EGFL8: variants seen among roughly 807,000 people sequenced by gnomAD.
EGFL8 encodes epidermal growth factor-like protein 8.
A neutral mutation model predicts 39.4 loss-of-function variants in EGFL8; 32 were observed. That is an observed-to-expected ratio of 0.81 (90% CI 0.61 to 1.09). The LOEUF (loss-of-function observed/expected upper bound fraction) is 1.09. Ranked by LOEUF, EGFL8 falls within the 50% of genes least tolerant of loss-of-function variation. The probability of loss-of-function intolerance (pLI) is 0.00; values close to 1 mark genes in which losing one functional copy is unlikely to be tolerated. For missense variants in EGFL8, 385 were observed against 402.2 expected, an observed-to-expected ratio of 0.96 and a Z score of 0.37; for synonymous variants, 177 against 168.5, an observed-to-expected ratio of 1.05 and a Z score of -0.39.
chr6:32,167,374 G>T lies in EGFL8; in HGVS notation c.626G>T (p.Arg209Leu). Residue 209 changes from arginine (R) to leucine (L), a missense_variant, in exon 7 of 9, where the codon CGC (arginine) becomes CTC (leucine). Coordinates refer to ENST00000333845, the MANE Select transcript of EGFL8 (RefSeq NM_030652.4). This position sits in a 1 kb window ranked among gnomAD's most constrained non-coding sequence, Gnocchi z 6.4. ...VAVREAEKDERALKQEIHELR... is the reference protein window; with the variant it reads ...VAVREAEKDELALKQEIHELR... ...GTTCGGGAGGCGGAAAAAGATGAGCGCGCTCTGAAGCAGGAGATTCACGAG... is the reference window on the plus strand; with the variant it reads ...GTTCGGGAGGCGGAAAAAGATGAGCTCGCTCTGAAGCAGGAGATTCACGAG... 1 of 1,613,032 alleles carries T rather than the reference G, an allele frequency of 6.2e-7. No individual in the cohort carries two copies.
In EGFL8 at chr6:32,168,247, T is replaced by C; in HGVS notation, c.*291T>C. 2.3e-6 allele frequency: 1 copy of C among 436,272 alleles called. No homozygotes were observed. Among genetic ancestry groups the C allele is most frequent in the Non-Finnish European group, 4.1e-6 (1 of 243,962 alleles). 27.0% of individuals were successfully genotyped at this position (436,272 alleles called of 1,614,324 possible). A position where few individuals can be genotyped will look rare whatever the true frequency, so the allele number is the denominator to read the frequency against. ...TCTTTATTTTCAGTTTTTTTGCTGT[T>C]ATCCAGATAATTAATAAAAACCAAC... is the stretch of plus-strand genomic sequence containing the variant. On this transcript the variant is annotated 3_prime_UTR_variant, in exon 9 of 9. Transcript: ENST00000333845. This position sits in a 1 kb window ranked among gnomAD's most constrained non-coding sequence, Gnocchi z 4.5.
Position 32,166,972 on chromosome 6 carries a change from G to A in EGFL8, c.397G>A (p.Ala133Thr). ...CGTTAGGCCTGACCAGTGCGAGTGC[G>A]CCCCCGGCTGGGGAGGGAAGCACTG... is the stretch of plus-strand genomic sequence containing the variant. ...VCVRPDQCEC[A>T]PGWGGKHCHV... The change falls in exon 5 of 9, where the codon GCC becomes ACC. Residue 133 changes from alanine to threonine, a missense_variant. Ala to Thr is a moderately conservative substitution (Grantham distance 58). Coordinates refer to ENST00000333845, the MANE Select transcript of EGFL8 (RefSeq NM_030652.4). The surrounding 1 kb of genome is among the most constrained non-coding windows in gnomAD (Gnocchi z 7.3). 2 of 1,613,130 alleles carry A rather than the reference G, an allele frequency of 1.2e-6. No individual in the cohort carries two copies. The highest frequency in any genetic ancestry group is 2.2e-5 in the East Asian group (1 of 44,882).
intron 1 of EGFL8, 145 bp from the exon 2 acceptor site, chr6:32,165,993 G>T (rs1784451127): frequency 1.5e-6 from 1 of 670,062 alleles, no homozygotes. Flanking sequence ...GTACACACAG[G>T]TGTAGGCAAT....
Position 32,167,567 on chromosome 6 carries a change from C to T in EGFL8, c.746C>T (p.Pro249Leu). The T allele has an allele frequency of 2.5e-6, 4 of 1,610,478 alleles. No individual in the cohort carries two copies. The highest frequency in any genetic ancestry group is 3.4e-6 in the Non-Finnish European group (4 of 1,179,908). The change falls in exon 8 of 9, where the codon CCA (proline) becomes CTA (leucine). Residue 249 changes from proline to leucine, a missense_variant. Pro to Leu is a moderately conservative substitution (Grantham distance 98, BLOSUM62 -3). Transcript: ENST00000333845. This position sits in a 1 kb window ranked among gnomAD's most constrained non-coding sequence, Gnocchi z 6.4. ...VLPVPPEELQ[P>L]EQVAELWGRG... The stretch of plus-strand genomic sequence containing the variant: ...CCCGTGCCGCCTGAAGAGCTGCAGC[C>T]AGAACAGGTGGCTGAGCTGTGGGGC...
Position 32,167,828 on chromosome 6 carries a change from T to G in EGFL8, c.836-82T>G, listed in dbSNP as rs1414134271. 2 of 1,556,534 alleles carry G rather than the reference T, an allele frequency of 1.3e-6. No individual in the cohort carries two copies. The highest frequency in any genetic ancestry group is 2.7e-5 in the African/African-American group (2 of 73,468). On this transcript the variant is annotated intron_variant, in intron 8 of 8. Coordinates refer to ENST00000333845, the MANE Select transcript of EGFL8 (RefSeq NM_030652.4). This position sits in a 1 kb window ranked among gnomAD's most constrained non-coding sequence, Gnocchi z 6.4. ...GAAATCCTGTCCCCAGCCCAACAGT[T>G]TCACTTATTGTTTGGTGAGAGTGGC...
At position 32,167,717 on chromosome 6, in the gene EGFL8, T is replaced by C. The variant is rs550751335; in HGVS notation, c.835+61T>C. On this transcript the variant is annotated intron_variant, in intron 8 of 8. Transcript: ENST00000333845. The surrounding 1 kb of genome is among the most constrained non-coding windows in gnomAD (Gnocchi z 6.4). ...TCCCCAACTTTCCCCAAGACCCCTC[T>C]CCATTCAGGCATTCCCTCTTTCCTC... 1.9e-6 allele frequency: 3 copies of C among 1,563,046 alleles called. No individual in the cohort carries two copies. The highest frequency in any genetic ancestry group is 2.6e-6 in the Non-Finnish European group (3 of 1,152,164).
chr6:32,167,816 C>A lies in EGFL8; in HGVS notation c.836-94C>A. 6.5e-7 allele frequency: 1 copy of A among 1,544,392 alleles called. No individual in the cohort carries two copies. The highest frequency in any genetic ancestry group is 8.9e-7 in the Non-Finnish European group (1 of 1,123,474). ...TCGTTCTCTTCTGAAATCCTGTCCC[C>A]AGCCCAACAGTTTCACTTATTGTTT... On this transcript the variant is annotated intron_variant, in intron 8 of 8. Coordinates refer to ENST00000333845, the MANE Select transcript of EGFL8 (RefSeq NM_030652.4). This position sits in a 1 kb window ranked among gnomAD's most constrained non-coding sequence, Gnocchi z 6.4.
In EGFL8 at chr6:32,167,375, C is replaced by G; in HGVS notation, c.627C>G (p.Arg209=). ...TTCGGGAGGCGGAAAAAGATGAGCG[C>G]GCTCTGAAGCAGGAGATTCACGAGC... is the stretch of plus-strand genomic sequence containing the variant. ...VAVREAEKDE[R]ALKQEIHELR... Residue 209 remains arginine, a synonymous_variant, in exon 7 of 9, where the codon CGC becomes CGG. Transcript: ENST00000333845. This position sits in a 1 kb window ranked among gnomAD's most constrained non-coding sequence, Gnocchi z 6.4. 1 of 1,613,032 alleles carries G rather than the reference C, an allele frequency of 6.2e-7. No homozygotes were observed. The highest frequency in any genetic ancestry group is 1.3e-5 in the African/African-American group (1 of 75,066).
chr6:32,167,656 T>C lies in EGFL8; in HGVS notation c.835T>C (p.Cys279Arg). 6.2e-7 allele frequency: 1 copy of C among 1,603,106 alleles called. No homozygotes were observed. The highest frequency in any genetic ancestry group is 8.5e-7 in the Non-Finnish European group (1 of 1,175,618). Residue 279 changes from cysteine (C) to arginine (R), a missense_variant and splice_region_variant, in exon 8 of 9, where the codon TGC becomes CGC. Transcript: ENST00000333845. This position sits in a 1 kb window ranked among gnomAD's most constrained non-coding sequence, Gnocchi z 6.4. ...GCTGCTGGAGGAGAGGCTAGGTGCC[T>C]GTGAGTCCTCACACTCCTCCCGCCT... ...VLLLEERLGA[C>R]SCEDNSLGLG...
In EGFL8 at chr6:32,167,241, C is replaced by A; in HGVS notation, c.585C>A (p.Ser195Arg). 6.2e-7 allele frequency: 1 copy of A among 1,612,152 alleles called. No individual in the cohort carries two copies. Among genetic ancestry groups the A allele is most frequent in the South Asian group, 1.1e-5 (1 of 91,048 alleles). ...CCCCAGAGCCCCCAACCAGTGCCAG[C>A]ATACTCAGCGTGGCCGGTGAGTGGG... Reference protein sequence around the residue: ...EGSPEPPTSASILSVAVREAE... With the variant: ...EGSPEPPTSARILSVAVREAE... The change falls in exon 6 of 9, where the codon AGC becomes AGA. Residue 195 changes from serine to arginine, a missense_variant. Coordinates refer to ENST00000333845, the MANE Select transcript of EGFL8 (RefSeq NM_030652.4). This position sits in a 1 kb window ranked among gnomAD's most constrained non-coding sequence, Gnocchi z 6.4.
In EGFL8 at chr6:32,168,081, A is replaced by C. The variant is rs1043258787; in HGVS notation, c.*125A>C. ...CACCAAAGAGCAATGAACAATGGAA[A>C]CTTCAGAGAGCTGAAGAAAGGGGGA... On this transcript the variant is annotated 3_prime_UTR_variant, in exon 9 of 9. Transcript: ENST00000333845. The surrounding 1 kb of genome is among the most constrained non-coding windows in gnomAD (Gnocchi z 4.5). The C allele has an allele frequency of 8.8e-6, 9 of 1,024,732 alleles. No individual in the cohort carries two copies. In the African/African-American group the frequency reaches 1.4e-4, roughly 16 times the overall value. 63.5% of individuals were successfully genotyped at this position (1,024,732 alleles called of 1,614,324 possible).
rs1784465891 is a variant in EGFL8 at position 32,166,216 on chromosome 6, C to G, written c.51C>G (p.Leu17=). Reference sequence around the variant, plus strand: ...CTCTCTTAGGCGGATTCTCCTTCCTCCTGCTACTGATACCAGGCGAGGGGG... The same window carrying G: ...CTCTCTTAGGCGGATTCTCCTTCCTGCTGCTACTGATACCAGGCGAGGGGG... ...LCTLLGGFSF[L]LLLIPGEGAK... Residue 17 remains leucine, a synonymous_variant, in exon 2 of 9, where the codon CTC becomes CTG. Transcript: ENST00000333845. This position sits in a 1 kb window ranked among gnomAD's most constrained non-coding sequence, Gnocchi z 7.3. 1 of 1,614,028 alleles carries G rather than the reference C, an allele frequency of 6.2e-7. No homozygotes were observed. Among genetic ancestry groups the G allele is most frequent in the Admixed American group, 1.7e-5 (1 of 59,996 alleles).
rs1467568718 is a variant in EGFL8, at chr6:32,167,387, G to A, written c.639G>A (p.Gln213=). ...EAEKDERALK[Q]EIHELRGRLE... ...AAAAAGATGAGCGCGCTCTGAAGCA[G>A]GAGATTCACGAGCTGCGAGGGCGCC... Residue 213 remains glutamine (Q), a synonymous_variant, in exon 7 of 9, where the codon CAG becomes CAA. Coordinates refer to ENST00000333845, the MANE Select transcript of EGFL8 (RefSeq NM_030652.4). The surrounding 1 kb of genome is among the most constrained non-coding windows in gnomAD (Gnocchi z 6.4). The A allele has an allele frequency of 6.2e-7, 1 of 1,613,092 alleles. No individual in the cohort carries two copies. The highest frequency in any genetic ancestry group is 8.5e-7 in the Non-Finnish European group (1 of 1,180,028).
chr6:32,165,983 G>A, intron 1 of EGFL8, 155 bp from the exon 2 acceptor site: 1 of 652,198 alleles, frequency 1.5e-6, no homozygotes, highest in East Asian at 2.7e-5. Flanking sequence ...GTGTTGGGTT[G>A]TACACACAGG....
Position 32,167,258 on chromosome 6 carries a change from G to GT in EGFL8, c.601+2dup. 6.2e-7 allele frequency: 1 copy of GT among 1,611,860 alleles called. No individual in the cohort carries two copies. The highest frequency in any genetic ancestry group is 8.5e-7 in the Non-Finnish European group (1 of 1,179,306). On this transcript the variant is annotated splice_donor_variant, in intron 6 of 8. Coordinates refer to ENST00000333845, the MANE Select transcript of EGFL8 (RefSeq NM_030652.4). LOFTEE classifies it high-confidence loss of function. This position sits in a 1 kb window ranked among gnomAD's most constrained non-coding sequence, Gnocchi z 6.4. The stretch of plus-strand genomic sequence containing the variant: ...AGTGCCAGCATACTCAGCGTGGCCG[G>GT]TGAGTGGGCAGGAGTACGGGCCACC...
rs781715335 is a variant in EGFL8, at chr6:32,167,951, C to T, written c.877C>T (p.Arg293Ter). ...CAGCCTGGGCCTCGGCGTCAATCAT[C>T]GATAAGAAGCCTCTACAGCACCCCT... is the stretch of plus-strand genomic sequence containing the variant. ...DNSLGLGVNH[R>*] Residue 293 changes from arginine (R) to a stop codon, truncating the protein, a stop_gained, in exon 9 of 9, where the codon CGA becomes TGA. Coordinates refer to ENST00000333845, the MANE Select transcript of EGFL8 (RefSeq NM_030652.4). LOFTEE classifies it high-confidence loss of function. This position sits in a 1 kb window ranked among gnomAD's most constrained non-coding sequence, Gnocchi z 6.4. 6.8e-6 allele frequency: 11 copies of T among 1,614,074 alleles called. No individual in the cohort carries two copies. Among genetic ancestry groups the T allele is most frequent in the East Asian group, 4.5e-5 (2 of 44,890 alleles).
rs1454272638 is a variant in EGFL8 at position 32,166,646 on chromosome 6, A to G, written c.224+26A>G. 7 of 1,614,200 alleles carry G rather than the reference A, an allele frequency of 4.3e-6. No individual in the cohort carries two copies. Among genetic ancestry groups the G allele is most frequent in the Non-Finnish European group, 5.9e-6 (7 of 1,180,016 alleles). On this transcript the variant is annotated intron_variant, in intron 3 of 8. Coordinates refer to ENST00000333845, the MANE Select transcript of EGFL8 (RefSeq NM_030652.4). This position sits in a 1 kb window ranked among gnomAD's most constrained non-coding sequence, Gnocchi z 7.3. ...GTGAGGGATGGGGAGATGGGACCCC[A>G]AGAACCCCAACTAGGACCCGTACTC...
chr6:32,167,106 C>T lies in EGFL8; in HGVS notation c.450C>T (p.Thr150=), dbSNP rs2127405481. The part of the protein sequence containing the change: ...HCHVDVDECR[T]SITLCSHHCF... The stretch of plus-strand genomic sequence containing the variant: ...AACTAGACGTGGATGAATGTAGGAC[C>T]AGCATCACCCTCTGCTCGCACCATT... The change falls in exon 6 of 9, where the codon ACC becomes ACT. Residue 150 remains threonine (T), a synonymous_variant. Coordinates refer to ENST00000333845, the MANE Select transcript of EGFL8 (RefSeq NM_030652.4). The surrounding 1 kb of genome is among the most constrained non-coding windows in gnomAD (Gnocchi z 6.4). The T allele has an allele frequency of 6.2e-7, 1 of 1,613,120 alleles. No individual in the cohort carries two copies. Among genetic ancestry groups the T allele is most frequent in the East Asian group, 2.2e-5 (1 of 44,878 alleles).
rs1443954945 is a variant in EGFL8 at position 32,166,759 on chromosome 6, G to A, written c.283G>A (p.Val95Met). ...VRREVQQTHA[V>M]CCQGWKKRHP... ...GCGGGAGGTTCAGCAGACCCATGCA[G>A]TGTGCTGCCAGGGCTGGAAGAAGCG... Residue 95 changes from valine (V) to methionine (M), a missense_variant, in exon 4 of 9, where the codon GTG becomes ATG. Val to Met is a conservative substitution (Grantham distance 21). Coordinates refer to ENST00000333845, the MANE Select transcript of EGFL8 (RefSeq NM_030652.4). The surrounding 1 kb of genome is among the most constrained non-coding windows in gnomAD (Gnocchi z 7.3). The A allele has an allele frequency of 2.4e-5, 38 of 1,580,932 alleles. No individual in the cohort carries two copies. In the East Asian group the frequency reaches 8.1e-4, roughly 34 times the overall value.
Sources: allele counts gnomAD v4.1 joint callset, GRCh38; gene constraint gnomAD v4.1.1; non-coding constraint Gnocchi (gnomAD v3.1); transcripts MANE v1.5; gene names NCBI Gene and HGNC (gene_info 2026-07-23, HGNC 2026-07-21).